RFFL: variants seen among roughly 807,000 people sequenced by gnomAD.
The protein encoded by RFFL is E3 ubiquitin-protein ligase rififylin.
RFFL carries 16 observed loss-of-function variants against 40.4 expected under a neutral mutation model. That is an observed-to-expected ratio of 0.40 (90% CI 0.27 to 0.60). The LOEUF (loss-of-function observed/expected upper bound fraction) is 0.60, where lower values mean the gene tolerates loss of function less well. Ranked by LOEUF, RFFL falls within the 20% of genes least tolerant of loss-of-function variation. The pLI is 0.47. For missense variants in RFFL, 367 were observed against 451.7 expected (o/e 0.81, Z 1.70); for synonymous variants, 154 against 167.9 (o/e 0.92, Z 0.64).
intron 1 of RFFL, among the ~76,000 whole-genome samples, chr17:35,034,325 C>T (rs539960817): frequency 6.6e-6 from 1 of 151,622 alleles, no homozygotes; most frequent in Non-Finnish European, 1.5e-5. Flanking sequence ...AGAGCAAGTT[C>T]CTGTCTCAAA....
intron 1 of RFFL, among the ~76,000 whole-genome samples, chr17:35,050,744 G>A (rs534975015): frequency 2.6e-5 from 4 of 152,082 alleles, no homozygotes; most frequent in Non-Finnish European, 5.9e-5. Context: ...AGGCCGAGGC[G>A]GGCAGATCAC....
intron 1 of RFFL, among the ~76,000 whole-genome samples, chr17:35,032,043 C>T (rs1276161501): frequency 6.7e-6 from 1 of 149,338 alleles, no homozygotes; most frequent in Non-Finnish European, 1.5e-5. Context: ...TGCAGAGAGC[C>T]GAGATCGCGC....
intron 2 of RFFL, among the ~76,000 whole-genome samples, chr17:35,025,686 T>G (rs993336022): frequency 6.6e-6 from 1 of 151,988 alleles, no homozygotes; most frequent in Non-Finnish European, 1.5e-5. Context: ...GAGTTCTTTA[T>G]CCAGGTGAGG....
intron 1 of RFFL, among the ~76,000 whole-genome samples, chr17:35,074,978 G>A (rs2091368968): frequency 6.6e-6 from 1 of 152,148 alleles, no homozygotes; most frequent in African/African-American, 2.4e-5. Context: ...AATTTCAATA[G>A]GAAAGGGGAT....
At chr17:35,033,649 T>G (rs1181708854) in intron 1 of RFFL, among the ~76,000 whole-genome samples, 1 of 151,510 alleles carries the variant, frequency 6.6e-6, no homozygotes. Flanking sequence ...GGGGCAGAGG[T>G]GAAGGCAGGT....
intron 1 of RFFL, among the ~76,000 whole-genome samples, chr17:35,032,794 A>G (rs2091094359): frequency 6.6e-6 from 1 of 152,028 alleles, no homozygotes; most frequent in Admixed American, 6.6e-5. Flanking sequence ...CACAGCAGAA[A>G]AGAGGAAAAA....
Position 35,011,691 on chromosome 17 carries a change from C to T in RFFL, c.*277G>A. The T allele has an allele frequency of 2.6e-6, 1 of 377,950 alleles. No individual in the cohort carries two copies. Among genetic ancestry groups the T allele is most frequent in the South Asian group, 3.5e-5 (1 of 28,720 alleles). 23.4% of individuals were successfully genotyped at this position (377,950 alleles called of 1,614,324 possible). A position where few individuals can be genotyped will look rare whatever the true frequency, so the allele number is the denominator to read the frequency against. On this transcript the variant is annotated 3_prime_UTR_variant, in exon 7 of 7. Coordinates refer to ENST00000394597, the MANE Select transcript of RFFL (RefSeq NM_001017368.2). ...GACAGGACCCAAGTTCTGGAAAGTT[C>T]TCTGTTCATCAGTTACCATCATCAC...
At chr17:35,036,916 G>C (rs2091127056) in intron 1 of RFFL, among the ~76,000 whole-genome samples, 1 of 152,188 alleles carries the variant, frequency 6.6e-6, no homozygotes, top group Admixed American at 6.5e-5. Flanking sequence ...GAGAGGAGTA[G>C]AAGGGCCATG....
intron 1 of RFFL, among the ~76,000 whole-genome samples, chr17:35,033,911 G>A (rs1301130173): frequency 1.3e-5 from 2 of 151,860 alleles, no homozygotes; most frequent in Non-Finnish European, 1.5e-5. Flanking sequence ...GGGAGGCCGA[G>A]GTGGGCGGAT....
chr17:35,034,655 A>C (rs1004495046), intron 1 of RFFL, among the ~76,000 whole-genome samples: 14 of 151,830 alleles, frequency 9.2e-5, no homozygotes, highest in Non-Finnish European at 1.5e-4. Context: ...CAGCCTCCCG[A>C]GTAGCTGGGA....
chr17:35,012,253 T>C (rs1302340360), intron 6 of RFFL, 104 bp from the exon 7 acceptor site: 5 of 967,820 alleles, frequency 5.2e-6, no homozygotes, highest in Middle Eastern at 2.9e-4. Context: ...AACAGGTACA[T>C]TGTAAACAAA....
At chr17:35,042,200 T>C (rs1009242039) in intron 1 of RFFL, 3 of 152,142 alleles carry the variant, frequency 2.0e-5, no homozygotes, top group African/African-American at 7.2e-5. Flanking sequence ...AAAATCACAA[T>C]GTCCTGAGAA....
At chr17:35,055,209 C>T (rs574276232) in intron 1 of RFFL, among the ~76,000 whole-genome samples, 1 of 151,952 alleles carries the variant, frequency 6.6e-6, no homozygotes, top group Admixed American at 6.5e-5. Flanking sequence ...TGAGCCACAG[C>T]GCCCGGCCAA....
chr17:35,021,912 C>A, intron 2 of RFFL, 131 bp from the exon 3 acceptor site: 10 of 852,922 alleles, frequency 1.2e-5, no homozygotes, highest in Middle Eastern at 2.3e-4. Flanking sequence ...TAAGCTCTCT[C>A]ATATATCTAA....
intron 2 of RFFL, among the ~76,000 whole-genome samples, chr17:35,024,572 A>G (rs1411488777): frequency 2.6e-5 from 4 of 152,212 alleles, no homozygotes; most frequent in Non-Finnish European, 5.9e-5. Context: ...TTTAGGACTG[A>G]AAACTCAGGG....
chr17:35,011,794 G>A lies in RFFL; in HGVS notation c.*174C>T. On this transcript the variant is annotated 3_prime_UTR_variant, in exon 7 of 7. Coordinates refer to ENST00000394597, the MANE Select transcript of RFFL (RefSeq NM_001017368.2). Reference sequence around the variant, plus strand: ...TGGCCTTGGGCTTTGCCAGCCAAGAGGTACACCCCTGGGAAGACAGGCATG... The same window carrying A: ...TGGCCTTGGGCTTTGCCAGCCAAGAAGTACACCCCTGGGAAGACAGGCATG... 3.2e-6 allele frequency: 2 copies of A among 623,390 alleles called. No individual in the cohort carries two copies. The allele number at this position is 623,390 out of a possible 1,614,324, so 38.6% of individuals were successfully genotyped here.
At chr17:35,018,491 C>T (rs2090988494) in intron 3 of RFFL, among the ~76,000 whole-genome samples, 1 of 152,182 alleles carries the variant, frequency 6.6e-6, no homozygotes, top group African/African-American at 2.4e-5. Context: ...GCCCACTGCT[C>T]CCTGCAGGCA....
chr17:35,068,622 G>A (rs897820588), upstream of RFFL, among the ~76,000 whole-genome samples: 1 of 152,202 alleles, frequency 6.6e-6, no homozygotes, highest in Non-Finnish European at 1.5e-5. Context: ...ATCCACTATG[G>A]TGTAATACTT....
chr17:35,067,643 C>T (rs551895090), upstream of RFFL, among the ~76,000 whole-genome samples: 6 of 151,854 alleles, frequency 4.0e-5, no homozygotes, highest in African/African-American at 1.2e-4. Flanking sequence ...TTAGTAGAGA[C>T]GGAGTTTCGC....
Sources: allele counts gnomAD v4.1 joint callset (sites outside exome capture counted in the v4.1 genomes callset), GRCh38; gene constraint gnomAD v4.1.1; transcripts MANE v1.5; gene names NCBI Gene and HGNC (gene_info 2026-07-23, HGNC 2026-07-21).